The following B3GALT1 variants were observed in gnomAD, a reference collection of about 807,000 sequenced individuals.
B3GALT1 encodes UDP-Gal:betaGlcNAc beta 1,3-galactosyltransferase, polypeptide 1.
In B3GALT1, 10 loss-of-function variants were observed where a neutral mutation model predicts 23.2. The observed-to-expected ratio is 0.43, with a 90% CI of 0.27 to 0.73. B3GALT1 has a LOEUF of 0.73. Ranked by LOEUF, B3GALT1 falls within the 30% of genes least tolerant of loss-of-function variation. The pLI is 0.21. For missense variants in B3GALT1, 299 were observed against 405.4 expected (o/e 0.74, Z 2.25); for synonymous variants, 156 against 141.5 (o/e 1.10, Z -0.73).
chr2:167,842,520 A>T (rs1351386295), intron 4 of B3GALT1, among the ~76,000 whole-genome samples: 1 of 152,214 alleles, frequency 6.6e-6, no homozygotes, highest in Non-Finnish European at 1.5e-5. Context: ...CTAGATTGCT[A>T]ATAAGTTGTA....
At chr2:167,470,163 C>A (rs1296106830) in intron 1 of B3GALT1, among the ~76,000 whole-genome samples, 1 of 152,028 alleles carries the variant, frequency 6.6e-6, no homozygotes, top group African/African-American at 2.4e-5. Context: ...TTCTGCTATA[C>A]CCATAGGGTG....
chr2:167,715,496 G>A, intron 3 of B3GALT1: 1 of 1,610,156 alleles, frequency 6.2e-7, no homozygotes, highest in South Asian at 1.1e-5. Flanking sequence ...GATGATTTTG[G>A]CTTCAGCTAT....
intron 1 of B3GALT1, among the ~76,000 whole-genome samples, chr2:167,480,814 A>C (rs1239231098): frequency 6.6e-6 from 1 of 152,084 alleles, no homozygotes; most frequent in Non-Finnish European, 1.5e-5. Context: ...AGTTTCTATC[A>C]CCCAACTGGC....
chr2:167,563,896 C>T (rs1169523381), intron 2 of B3GALT1, among the ~76,000 whole-genome samples: 4 of 2,598 alleles, frequency 1.5e-3, no homozygotes, highest in Non-Finnish European at 2.6e-3. Context: ...GGCGGCCGGC[C>T]GGGCGGGGCC....
chr2:167,574,317 G>A (rs1244827325), intron 2 of B3GALT1, among the ~76,000 whole-genome samples: 1 of 151,704 alleles, frequency 6.6e-6, no homozygotes, highest in Non-Finnish European at 1.5e-5. Flanking sequence ...TATATTCAGA[G>A]TAAATTGAAG....
intron 1 of B3GALT1, among the ~76,000 whole-genome samples, chr2:167,333,081 C>G (rs180703993): frequency 2.0e-5 from 3 of 152,122 alleles, no homozygotes; most frequent in African/African-American, 7.2e-5. Flanking sequence ...GAACCATGTG[C>G]ATTTACTTTC....
chr2:167,849,418 A>G (rs1032493732), intron 4 of B3GALT1, among the ~76,000 whole-genome samples: 1 of 152,208 alleles, frequency 6.6e-6, no homozygotes, highest in Non-Finnish European at 1.5e-5. Flanking sequence ...CAACCCAGAA[A>G]TACACCCAAA....
At position 167,716,757 on chromosome 2, in the gene B3GALT1, T is replaced by C. The variant is rs144887265; in HGVS notation, c.-352+69791T>C. ...TGTTTCTCTGCTTATTTTTGATGAC[T>C]TCCTGTGGGTCACTTGAACATTTCT... On this transcript the variant is annotated intron_variant, in intron 3 of 4. Transcript: ENST00000392690. Among the ~76,000 whole-genome samples, 1,207 of 152,360 alleles carry C rather than the reference T, an allele frequency of 7.9e-3. 9 individuals are homozygous for C. Among genetic ancestry groups the C allele is most frequent in the Non-Finnish European group, 0.013 (863 of 68,030 alleles).
intron 2 of B3GALT1, among the ~76,000 whole-genome samples, chr2:167,607,129 G>A (rs1204369778): frequency 6.6e-6 from 1 of 152,044 alleles, no homozygotes; most frequent in Admixed American, 6.5e-5. Context: ...GAAGAAAACA[G>A]ATTATTTGAA....
chr2:167,659,402 A>G (rs982533385), intron 3 of B3GALT1, among the ~76,000 whole-genome samples: 1 of 152,150 alleles, frequency 6.6e-6, no homozygotes, highest in Non-Finnish European at 1.5e-5. Flanking sequence ...GACTAGATAG[A>G]TGAAAACTTC....
chr2:167,847,010 A>G (rs1689775358), intron 4 of B3GALT1, among the ~76,000 whole-genome samples: 1 of 152,232 alleles, frequency 6.6e-6, no homozygotes, highest in African/African-American at 2.4e-5. Flanking sequence ...AGAGACAAAG[A>G]GAGACACTAT....
intron 2 of B3GALT1, among the ~76,000 whole-genome samples, chr2:167,525,733 A>G (rs796091721): frequency 4.6e-5 from 7 of 150,942 alleles, no homozygotes; most frequent in African/African-American, 1.7e-4. Flanking sequence ...TTAGCCTCCC[A>G]AGTAGCTGAG....
intron 1 of B3GALT1, among the ~76,000 whole-genome samples, chr2:167,344,247 G>A (rs1350563507): frequency 6.6e-6 from 1 of 152,050 alleles, no homozygotes; most frequent in Non-Finnish European, 1.5e-5. Flanking sequence ...CATATCTTCA[G>A]AACAAACTTT....
chr2:167,726,623 G>T (rs2105261228), intron 3 of B3GALT1, among the ~76,000 whole-genome samples: 1 of 152,268 alleles, frequency 6.6e-6, no homozygotes, highest in Non-Finnish European at 1.5e-5. Flanking sequence ...ACTTTGTCTA[G>T]TTGACATTCA....
intron 2 of B3GALT1, among the ~76,000 whole-genome samples, chr2:167,601,518 T>C (rs1342768610): frequency 6.6e-6 from 1 of 152,258 alleles, no homozygotes; most frequent in African/African-American, 2.4e-5. Context: ...TACATGTTTT[T>C]ACACTTCTGA....
intron 1 of B3GALT1, among the ~76,000 whole-genome samples, chr2:167,414,674 A>G (rs929946902): frequency 6.6e-6 from 1 of 152,220 alleles, no homozygotes; most frequent in African/African-American, 2.4e-5. Flanking sequence ...AAATGAATGC[A>G]TACTCAATCT....
intron 3 of B3GALT1, among the ~76,000 whole-genome samples, chr2:167,674,254 G>A (rs956355398): frequency 6.6e-6 from 1 of 152,124 alleles, no homozygotes; most frequent in Non-Finnish European, 1.5e-5. Flanking sequence ...ATACCCATTA[G>A]AGTTATAAAG....
At chr2:167,733,243 G>A (rs1687435748) in intron 3 of B3GALT1, among the ~76,000 whole-genome samples, 1 of 152,064 alleles carries the variant, frequency 6.6e-6, no homozygotes, top group South Asian at 2.1e-4. Flanking sequence ...TTCTCATCGG[G>A]CTGTTTAGTT....
At chr2:167,657,905 A>G (rs1574194605) in intron 3 of B3GALT1, among the ~76,000 whole-genome samples, 1 of 152,144 alleles carries the variant, frequency 6.6e-6, no homozygotes, top group Non-Finnish European at 1.5e-5. Flanking sequence ...ATTATTTTTC[A>G]TACTCTTTAA....
Sources: allele counts gnomAD v4.1 joint callset (sites outside exome capture counted in the v4.1 genomes callset), GRCh38; gene constraint gnomAD v4.1.1; transcripts MANE v1.5; gene names NCBI Gene and HGNC (gene_info 2026-07-23, HGNC 2026-07-21).